Variants in CADPS observed in about 807,000 individuals in gnomAD.
The protein encoded by CADPS is calcium-dependent secretion activator 1.
Under a neutral mutation model 167.3 loss-of-function variants are expected in CADPS, and 57 were observed. That is an observed-to-expected ratio of 0.34 (90% CI 0.28 to 0.42). The LOEUF (loss-of-function observed/expected upper bound fraction) is 0.42. Ranked by LOEUF, CADPS falls within the 20% of genes least tolerant of loss-of-function variation. The pLI is 1.00. For synonymous variants in CADPS, 676 were observed against 635.3 expected (o/e 1.06, Z -0.96); for missense variants, 1,414 against 1,738.1 (o/e 0.81, Z 3.32).
At chr3:62,722,787 T>C (rs372427173) in intron 3 of CADPS, among the ~76,000 whole-genome samples, 17 of 152,218 alleles carry the variant, frequency 1.1e-4, no homozygotes, top group African/African-American at 2.9e-4. Flanking sequence ...CTACTGACAT[T>C]TGAGGTTGGG....
At chr3:62,479,888 C>T (rs2061776482) in intron 22 of CADPS, among the ~76,000 whole-genome samples, 1 of 152,194 alleles carries the variant, frequency 6.6e-6, no homozygotes, top group African/African-American at 2.4e-5. Context: ...CCTGCCCCAA[C>T]CTATGCTTGG....
intron 2 of CADPS, among the ~76,000 whole-genome samples, chr3:62,762,659 A>G (rs1438803344): frequency 6.7e-6 from 1 of 149,756 alleles, no homozygotes; most frequent in Admixed American, 6.6e-5. Context: ...CCGGACTCAA[A>G]AAAAAAAAAA....
chr3:62,746,933 A>G (rs2081591020), intron 3 of CADPS, among the ~76,000 whole-genome samples: 1 of 152,208 alleles, frequency 6.6e-6, no homozygotes, highest in Non-Finnish European at 1.5e-5. Flanking sequence ...TAAGCTGCTA[A>G]ATTTGTGGCA....
At chr3:62,596,076 T>C (rs1280921111) in intron 6 of CADPS, among the ~76,000 whole-genome samples, 1 of 146,180 alleles carries the variant, frequency 6.8e-6, no homozygotes, top group Non-Finnish European at 1.5e-5. Context: ...CTCCCGTTTT[T>C]ATATATATGT....
At chr3:62,475,584 G>GAAAAAAAA (rs34263556) in intron 23 of CADPS, among the ~76,000 whole-genome samples, 13 of 55,944 alleles carry the variant, frequency 2.3e-4, no homozygotes, top group African/African-American at 6.9e-4. Flanking sequence ...CAGTTCTTAA[G>GAAAAAAAA]AAAAAAAAAA....
Position 62,550,008 on chromosome 3 carries a change from G to A in CADPS, c.1861C>T (p.Arg621Trp), listed in dbSNP as rs906307436. The change falls in exon 11 of 30, where the codon CGG (arginine) becomes TGG (tryptophan). Residue 621 changes from arginine (R) to tryptophan (W), a missense_variant. By Grantham distance (101) the Arg-to-Trp change is moderately radical (BLOSUM62 -3). This residue lies in a region of CADPS where 529 missense variants were observed against 629.6 expected (regional missense o/e 0.84). Transcript: ENST00000383710. ...DRILWVQAMYRATGQSHKPVP... is the reference protein window; with the variant it reads ...DRILWVQAMYWATGQSHKPVP... ...GGCTTGTGTGACTGCCCCGTGGCCC[G>A]ATACATGGCCTGGACCCACAGGATG... The A allele has an allele frequency of 2.5e-6, 4 of 1,614,078 alleles. No homozygotes were observed. Among genetic ancestry groups the A allele is most frequent in the Middle Eastern group, 1.6e-4 (1 of 6,062 alleles).
intron 11 of CADPS, among the ~76,000 whole-genome samples, chr3:62,537,320 C>T (rs2074883398): frequency 6.6e-6 from 1 of 152,156 alleles, no homozygotes; most frequent in Admixed American, 6.5e-5. Flanking sequence ...AATGTATTCA[C>T]ACTTTTCCTT....
chr3:62,419,323 C>A (rs2050827351), intron 28 of CADPS, among the ~76,000 whole-genome samples: 1 of 152,126 alleles, frequency 6.6e-6, no homozygotes, highest in Non-Finnish European at 1.5e-5. Flanking sequence ...TTCCTAGGGC[C>A]TATTTTTCTC....
chr3:62,533,552 T>C (rs1035394655), intron 12 of CADPS, among the ~76,000 whole-genome samples: 1 of 152,178 alleles, frequency 6.6e-6, no homozygotes, highest in Non-Finnish European at 1.5e-5. Flanking sequence ...GAAGGTTTAT[T>C]TTAAAGACAA....
intron 17 of CADPS, among the ~76,000 whole-genome samples, chr3:62,508,148 C>T (rs569289693): frequency 6.6e-6 from 1 of 152,276 alleles, no homozygotes; most frequent in East Asian, 1.9e-4. Flanking sequence ...AAATGTCCTA[C>T]TGGAAGCTCA....
chr3:62,754,723 G>A (rs991807525), intron 2 of CADPS, among the ~76,000 whole-genome samples: 5 of 152,060 alleles, frequency 3.3e-5, no homozygotes, highest in African/African-American at 1.2e-4. Context: ...TTTAAAATGA[G>A]GATTAAATGT....
chr3:62,419,490 A>G (rs1468825656), intron 28 of CADPS, among the ~76,000 whole-genome samples: 1 of 152,214 alleles, frequency 6.6e-6, no homozygotes, highest in East Asian at 1.9e-4. Flanking sequence ...AATCTTTTAA[A>G]GCTTGATTAT....
chr3:62,545,497 T>A (rs1023168664), intron 11 of CADPS, among the ~76,000 whole-genome samples: 1 of 151,930 alleles, frequency 6.6e-6, no homozygotes, highest in East Asian at 1.9e-4. Context: ...AAGAAAAAAA[T>A]TAAATCAACA....
chr3:62,414,293 C>T (rs1047096595), intron 28 of CADPS, among the ~76,000 whole-genome samples: 3 of 152,164 alleles, frequency 2.0e-5, no homozygotes, highest in African/African-American at 7.2e-5. Context: ...GCCCTGAGAC[C>T]CCAGTTGCCC....
intron 1 of CADPS, among the ~76,000 whole-genome samples, chr3:62,806,340 T>C (rs954648682): frequency 2.1e-5 from 3 of 139,986 alleles, no homozygotes; most frequent in Non-Finnish European, 4.6e-5. Flanking sequence ...CTGGGCAACA[T>C]AGCAAGACCT....
chr3:62,748,895 A>G (rs1440850140), intron 3 of CADPS, among the ~76,000 whole-genome samples: 1 of 152,042 alleles, frequency 6.6e-6, no homozygotes, highest in Non-Finnish European at 1.5e-5. Context: ...TCTTGTAGAG[A>G]TGGAGCCTAG....
Position 62,516,140 on chromosome 3 carries a change from C to T in CADPS, c.2500G>A (p.Val834Ile), listed in dbSNP as rs372013976. 2.5e-6 allele frequency: 4 copies of T among 1,613,152 alleles called. No homozygotes were observed. The African/African-American group carries it at 5.3e-5, about 22-fold the overall frequency. ...DIVTPVPQEEVKTVIRKCLEQ... is the reference protein window; with the variant it reads ...DIVTPVPQEEIKTVIRKCLEQ... Reference sequence around the variant, plus strand: ...AGACATTTACGGATAACTGTTTTTACCTCCTCTTGTGGCACTGGGGTAACA... The same window carrying T: ...AGACATTTACGGATAACTGTTTTTATCTCCTCTTGTGGCACTGGGGTAACA... The change falls in exon 16 of 30, where the codon GTA becomes ATA. Residue 834 changes from valine to isoleucine, a missense_variant. Physicochemically the swap from Val to Ile is conservative, Grantham distance 29. This residue lies in a region of CADPS where 529 missense variants were observed against 629.6 expected (regional missense o/e 0.84). Coordinates refer to ENST00000383710, the MANE Select transcript of CADPS (RefSeq NM_003716.4).
intron 7 of CADPS, 89 bp downstream of exon 7, chr3:62,592,548 G>T: frequency 1.1e-6 from 1 of 939,386 alleles, no homozygotes. Flanking sequence ...TCAGCACTTG[G>T]CAATGCTGCC....
At chr3:62,633,611 C>T (rs549961109) in intron 6 of CADPS, among the ~76,000 whole-genome samples, 1 of 152,228 alleles carries the variant, frequency 6.6e-6, no homozygotes, top group African/African-American at 2.4e-5. Flanking sequence ...AACTGGTTCC[C>T]TCTTGCTTAG....
Sources: allele counts gnomAD v4.1 joint callset (sites outside exome capture counted in the v4.1 genomes callset), GRCh38; gene constraint gnomAD v4.1.1; regional missense constraint gnomAD v4.1.1; transcripts MANE v1.5; gene names NCBI Gene and HGNC (gene_info 2026-07-23, HGNC 2026-07-21).